Variants in PTPRD observed in about 807,000 individuals in gnomAD.
The protein encoded by PTPRD is protein tyrosine phosphatase receptor type D, also known as receptor-type tyrosine-protein phosphatase delta.
In PTPRD, 34 loss-of-function variants were observed where a neutral mutation model predicts 214.5. The ratio of observed to expected loss-of-function variants is 0.16; its 90% CI spans 0.12 to 0.21. The LOEUF (loss-of-function observed/expected upper bound fraction) is 0.21. PTPRD is among the 10% of genes least tolerant of loss of function. The pLI is 1.00. For synonymous variants in PTPRD, 1,128 were observed against 845.7 expected, an observed-to-expected ratio of 1.33 and a Z score of -5.79; for missense variants, 2,545 against 2,398.7, an observed-to-expected ratio of 1.06 and a Z score of -1.27.
At chr9:9,064,596 T>C (rs1383634925) in intron 10 of PTPRD, among the ~76,000 whole-genome samples, 1 of 152,220 alleles carries the variant, frequency 6.6e-6, no homozygotes, top group African/African-American at 2.4e-5. Flanking sequence ...AAGTCCATTA[T>C]ATTCAAGAAC....
At chr9:9,252,584 C>G (rs2099975948) in intron 9 of PTPRD, among the ~76,000 whole-genome samples, 1 of 152,036 alleles carries the variant, frequency 6.6e-6, no homozygotes, top group Admixed American at 6.6e-5. Flanking sequence ...TGGGCTCAGG[C>G]AATCTTCTTG....
At chr9:9,937,160 G>A (rs2089801545) in intron 5 of PTPRD, among the ~76,000 whole-genome samples, 1 of 151,702 alleles carries the variant, frequency 6.6e-6, no homozygotes. Context: ...CACCAGCATG[G>A]CACATGTATA....
chr9:8,932,396 C>A lies in PTPRD; in HGVS notation c.-104+86301G>T, dbSNP rs898784900. ...TTGGTTTCAAACAATATCTTTGTTT[C>A]TGCCTTCATTTCATTATTTACCCAG... On this transcript the variant is annotated intron_variant, in intron 11 of 45. Coordinates refer to ENST00000381196, the MANE Select transcript of PTPRD (RefSeq NM_002839.4). Among the ~76,000 whole-genome samples the A allele has an allele frequency of 3.9e-5, 6 of 152,306 alleles. No homozygotes were observed. The East Asian group carries it at 7.7e-4, about 20-fold the overall frequency.
intron 3 of PTPRD, among the ~76,000 whole-genome samples, chr9:10,293,766 G>T (rs2095597462): frequency 6.6e-6 from 1 of 151,878 alleles, no homozygotes; most frequent in Non-Finnish European, 1.5e-5. Flanking sequence ...CTTCATTGGT[G>T]GAAAGAACAG....
chr9:8,343,804 T>C (rs931139362), intron 39 of PTPRD, among the ~76,000 whole-genome samples: 27 of 152,146 alleles, frequency 1.8e-4, no homozygotes, highest in African/African-American at 6.3e-4. Context: ...GTTTGTGAAA[T>C]AAGTAAACAA....
chr9:10,323,076 A>T (rs1244061509), intron 3 of PTPRD, among the ~76,000 whole-genome samples: 1 of 152,084 alleles, frequency 6.6e-6, no homozygotes, highest in East Asian at 1.9e-4. Context: ...AATCTATTTC[A>T]AAATACATTT....
chr9:9,269,909 G>T (rs1294986990), intron 9 of PTPRD, among the ~76,000 whole-genome samples: 1 of 151,022 alleles, frequency 6.6e-6, no homozygotes, highest in African/African-American at 2.4e-5. Flanking sequence ...CAGTTAGAAG[G>T]CGAATAGGCT....
At chr9:10,204,844 C>G (rs1230425129) in intron 3 of PTPRD, among the ~76,000 whole-genome samples, 1 of 152,142 alleles carries the variant, frequency 6.6e-6, no homozygotes, top group East Asian at 1.9e-4. Flanking sequence ...TTTTAGAACC[C>G]AAAGTAACAA....
chr9:8,426,720 G>C (rs2094699916), intron 35 of PTPRD, among the ~76,000 whole-genome samples: 1 of 151,040 alleles, frequency 6.6e-6, no homozygotes, highest in African/African-American at 2.4e-5. Flanking sequence ...AAGACGGGTA[G>C]GACTCCCACA....
intron 2 of PTPRD, among the ~76,000 whole-genome samples, chr9:10,372,567 T>A (rs964153581): frequency 6.6e-6 from 1 of 152,054 alleles, no homozygotes; most frequent in Non-Finnish European, 1.5e-5. Context: ...CCATGACATT[T>A]TCTATTACCT....
At position 8,864,584 on chromosome 9, in the gene PTPRD, G is replaced by T. The variant is rs547741093; in HGVS notation, c.-103-130638C>A. On this transcript the variant is annotated intron_variant, in intron 11 of 45. Transcript: ENST00000381196. ...TTATTTTTAAAGGTTCTTTCTAACAGGGTTTCAGAGGATGGTTTCCAAAAA... is the reference window on the plus strand; with the variant it reads ...TTATTTTTAAAGGTTCTTTCTAACATGGTTTCAGAGGATGGTTTCCAAAAA... Among the ~76,000 whole-genome samples the T allele has an allele frequency of 6.6e-5, 10 of 152,264 alleles. No homozygotes were observed. In the South Asian group the frequency reaches 1.7e-3, roughly 25 times the overall value.
At chr9:8,575,563 T>C (rs1356468186) in intron 14 of PTPRD, among the ~76,000 whole-genome samples, 1 of 152,136 alleles carries the variant, frequency 6.6e-6, no homozygotes, top group Non-Finnish European at 1.5e-5. Flanking sequence ...GACGATAATC[T>C]AGACCAGTGT....
chr9:9,717,057 C>T (rs2097848116), intron 7 of PTPRD, among the ~76,000 whole-genome samples: 1 of 152,062 alleles, frequency 6.6e-6, no homozygotes, highest in East Asian at 1.9e-4. Flanking sequence ...CCAGTTTCAG[C>T]TTTCTCCATA....
chr9:10,130,096 A>G (rs1372841822), intron 3 of PTPRD, among the ~76,000 whole-genome samples: 2 of 151,726 alleles, frequency 1.3e-5, no homozygotes, highest in Non-Finnish European at 2.9e-5. Context: ...GACACCCTCA[A>G]TGGCTCCCAT....
chr9:9,245,105 T>A (rs2099972395), intron 9 of PTPRD, among the ~76,000 whole-genome samples: 1 of 152,142 alleles, frequency 6.6e-6, no homozygotes, highest in Non-Finnish European at 1.5e-5. Flanking sequence ...TCATACCAGT[T>A]AGAATGGCAA....
intron 9 of PTPRD, among the ~76,000 whole-genome samples, chr9:9,393,139 T>G (rs2066478870): frequency 6.6e-6 from 1 of 152,184 alleles, no homozygotes; most frequent in East Asian, 1.9e-4. Flanking sequence ...TAATCTTTCC[T>G]GGCCATGTGA....
chr9:9,553,106 T>C (rs1405679579), intron 8 of PTPRD, among the ~76,000 whole-genome samples: 3 of 152,080 alleles, frequency 2.0e-5, no homozygotes, highest in African/African-American at 7.2e-5. Flanking sequence ...CCAATACATC[T>C]AATGTCTGGG....
intron 9 of PTPRD, among the ~76,000 whole-genome samples, chr9:9,286,362 C>A (rs1481929173): frequency 6.6e-6 from 1 of 151,778 alleles, no homozygotes; most frequent in Non-Finnish European, 1.5e-5. Context: ...AAAGACTAAA[C>A]CTCCTAGCAT....
intron 3 of PTPRD, among the ~76,000 whole-genome samples, chr9:10,138,896 C>A (rs1386482191): frequency 6.6e-6 from 1 of 151,946 alleles, no homozygotes; most frequent in African/African-American, 2.4e-5. Context: ...AGGAACATAG[C>A]TCAAAATAAT....
Sources: gnomAD v4.1 joint callset for allele counts (sites outside exome capture counted in the v4.1 genomes callset) on GRCh38, gnomAD v4.1.1 for gene constraint, MANE v1.5 for transcripts, NCBI Gene and HGNC (gene_info 2026-07-23, HGNC 2026-07-21) for gene names.